The following ENTPD1 variants were observed in gnomAD, a reference collection of about 807,000 sequenced individuals.
ENTPD1 encodes the protein ATP diphosphohydrolase.
Under a neutral mutation model 57.0 loss-of-function variants are expected in ENTPD1, and 33 were observed. The ratio of observed to expected loss-of-function variants is 0.58; its 90% CI spans 0.44 to 0.77. ENTPD1 has a LOEUF of 0.77. Ranked by LOEUF, ENTPD1 falls within the 30% of genes least tolerant of loss-of-function variation. The pLI is 0.00. For missense variants in ENTPD1, 501 were observed against 603.4 expected, an observed-to-expected ratio of 0.83 and a Z score of 1.78; for synonymous variants, 202 against 218.8, an observed-to-expected ratio of 0.92 and a Z score of 0.68.
the ENTPD1 span, among the ~76,000 whole-genome samples, chr10:95,700,551 G>A: frequency 2.6e-5 from 4 of 152,122 alleles, no homozygotes; most frequent in South Asian, 2.1e-4. Context: ...ACCTGGGCAT[G>A]GTGGCACGTG....
At position 95,870,634 on chromosome 10, in the gene ENTPD1, A is replaced by T; in HGVS notation, c.*4251A>T. The T allele has an allele frequency of 2.0e-6, 2 of 985,472 alleles. No homozygotes were observed. Among genetic ancestry groups the T allele is most frequent in the Non-Finnish European group, 2.4e-6 (2 of 829,938 alleles). 61.0% of individuals were successfully genotyped at this position (985,472 alleles called of 1,614,324 possible). On this transcript the variant is annotated 3_prime_UTR_variant, in exon 10 of 10. Transcript: ENST00000371205. ...AAGTTTGCCACATAATGATAAAATT[A>T]CTATGAAAATATATTCCCTTTATTG...
chr10:95,838,908 C>A (rs1452706425), intron 2 of ENTPD1, among the ~76,000 whole-genome samples: 1 of 152,168 alleles, frequency 6.6e-6, no homozygotes, highest in Admixed American at 6.6e-5. Flanking sequence ...TTCTCCTCTG[C>A]TGACTTTCTT....
chr10:95,738,253 C>CTGTG (rs1555275515), intron 1 of ENTPD1, among the ~76,000 whole-genome samples: 1 of 152,194 alleles, frequency 6.6e-6, no homozygotes, highest in Admixed American at 6.5e-5. Context: ...CCTGGAATCT[C>CTGTG]TGTGTGTGCA....
chr10:95,830,456 C>T (rs908274090), intron 2 of ENTPD1, among the ~76,000 whole-genome samples: 17 of 152,222 alleles, frequency 1.1e-4, no homozygotes, highest in African/African-American at 2.9e-4. Context: ...GGCTGGGCCC[C>T]ATCTCAGGTC....
Position 95,795,748 on chromosome 10 carries a change from A to G in ENTPD1, c.17-27489A>G, listed in dbSNP as rs77763761. 1.6e-3 allele frequency among the ~76,000 whole-genome samples: 240 copies of G among 152,348 alleles called. 2 individuals are homozygous for G. The East Asian group carries it at 0.037, about 23-fold the overall frequency. On this transcript the variant is annotated intron_variant, in intron 1 of 9. Coordinates refer to ENST00000371205, the MANE Select transcript of ENTPD1 (RefSeq NM_001776.6). ...TGAGATCCCATTTCATAGGAGATGC[A>G]TCAGTACCTAGTCATACTGCATTTC...
intron 1 of ENTPD1, among the ~76,000 whole-genome samples, chr10:95,818,448 TAG>T (rs767841752): frequency 1.1e-4 from 16 of 152,130 alleles, no homozygotes; most frequent in Admixed American, 3.3e-4. Context: ...CTTGATAAGG[TAG>T]AGTCTTAGGA....
At position 95,875,971 on chromosome 10, in the gene ENTPD1, T is replaced by C; in HGVS notation, c.*9588T>C. The stretch of plus-strand genomic sequence containing the variant: ...GGACACAGCCAAACCATATCAATGA[T>C]TTTGTACTTTAACCAGCTGAATGGA... On this transcript the variant is annotated 3_prime_UTR_variant, in exon 10 of 10. Coordinates refer to ENST00000371205, the MANE Select transcript of ENTPD1 (RefSeq NM_001776.6). The C allele has an allele frequency of 2.0e-6, 2 of 985,416 alleles. No homozygotes were observed. The highest frequency in any genetic ancestry group is 1.2e-6 in the Non-Finnish European group (1 of 829,922). The allele number at this position is 985,416 out of a possible 1,614,324, so 61.0% of individuals were successfully genotyped here. A position where few individuals can be genotyped will look rare whatever the true frequency, so the allele number is the denominator to read the frequency against.
chr10:95,731,943 C>T lies in ENTPD1; in HGVS notation c.37+19950C>T, dbSNP rs754219539. ...GATTACAGGCACCTGCTACCACGCC[C>T]GGCTAATTTTTGTATTTTTAGTAGA... On this transcript the variant is annotated intron_variant, in intron 1 of 9. Coordinates refer to the ENTPD1 transcript ENST00000453258. Among the ~76,000 whole-genome samples, 7 of 151,550 alleles carry T rather than the reference C, an allele frequency of 4.6e-5. No individual in the cohort carries two copies. In the South Asian group the frequency reaches 6.2e-4, roughly 14 times the overall value.
intron 1 of ENTPD1, among the ~76,000 whole-genome samples, chr10:95,769,262 A>T (rs1402280277): frequency 6.6e-6 from 1 of 152,166 alleles, no homozygotes; most frequent in Non-Finnish European, 1.5e-5. Flanking sequence ...TGAATTAGGG[A>T]GTGAGCTCCT....
intron 1 of ENTPD1, among the ~76,000 whole-genome samples, chr10:95,738,857 G>T (rs1011045827): frequency 3.3e-5 from 5 of 152,132 alleles, no homozygotes; most frequent in Non-Finnish European, 5.9e-5. Context: ...GAGAGAAAAA[G>T]AATTTGCACT....
At chr10:95,711,913 T>C (rs1322557753) in exon 1 of ENTPD1, 13 of 1,610,342 alleles carry the variant, frequency 8.1e-6, no homozygotes, top group Admixed American at 3.3e-5. Flanking sequence ...GTTTTGGTGC[T>C]GTGAACAGGA....
At chr10:95,700,907 C>T in the ENTPD1 span, among the ~76,000 whole-genome samples, 221 of 152,108 alleles carry the variant, frequency 1.5e-3, 6 homozygotes, top group Admixed American at 0.014. Context: ...ATTCTCCTGC[C>T]TCAGCTTCCC....
chr10:95,738,420 A>G (rs372425822), intron 1 of ENTPD1, among the ~76,000 whole-genome samples: 17 of 152,336 alleles, frequency 1.1e-4, no homozygotes, highest in African/African-American at 4.1e-4. Context: ...CCAAAACTGA[A>G]GTGAGGGAGG....
At chr10:95,838,032 A>C (rs2098414613) in intron 2 of ENTPD1, among the ~76,000 whole-genome samples, 1 of 152,074 alleles carries the variant, frequency 6.6e-6, no homozygotes. Context: ...GCATTTTTAA[A>C]GTGGCAGACC....
intron 1 of ENTPD1, among the ~76,000 whole-genome samples, chr10:95,731,781 C>CTTTTTTT (rs34841311): frequency 0.045 from 3,525 of 79,076 alleles, 570 homozygotes; most frequent in Admixed American, 0.075. Flanking sequence ...AGTGGACATC[C>CTTTTTTT]TTTTTTTTTT....
At chr10:95,827,548 C>T (rs1016273750) in intron 2 of ENTPD1, among the ~76,000 whole-genome samples, 8 of 152,076 alleles carry the variant, frequency 5.3e-5, no homozygotes, top group Admixed American at 1.3e-4. Context: ...TGCAGTGGTG[C>T]GATCTCAGCT....
rs1555272408 is a variant in ENTPD1 at position 95,713,033 on chromosome 10, T to TTAAAAA, written c.37+1040_37+1041insTAAAAA. On this transcript the variant is annotated intron_variant, in intron 1 of 9. Coordinates refer to the ENTPD1 transcript ENST00000453258. ...TGGGCGACAGAGCGAGATTCTGTCT[T>TTAAAAA]AAAAAAAAAAAAAAAAAAATAGGCT... Among the ~76,000 whole-genome samples, 17 of 143,018 alleles carry TTAAAAA rather than the reference T, an allele frequency of 1.2e-4. 1 individual carries two copies. Among genetic ancestry groups the TTAAAAA allele is most frequent in the Non-Finnish European group, 1.5e-4 (10 of 66,150 alleles). The allele number at this position is 143,018 out of a possible 152,430, so 93.8% of individuals were successfully genotyped here.
At chr10:95,827,912 G>T (rs969760121) in intron 2 of ENTPD1, among the ~76,000 whole-genome samples, 2 of 152,060 alleles carry the variant, frequency 1.3e-5, no homozygotes, top group African/African-American at 4.8e-5. Context: ...TTGTTACCCT[G>T]GTTAAATAGC....
intron 1 of ENTPD1, among the ~76,000 whole-genome samples, chr10:95,800,801 A>G (rs994089351): frequency 3.3e-5 from 5 of 152,156 alleles, no homozygotes; most frequent in Non-Finnish European, 7.4e-5. Context: ...TTCCCTGAAA[A>G]TAGCTGTTAT....
Sources: gnomAD v4.1 joint callset for allele counts (sites outside exome capture counted in the v4.1 genomes callset) on GRCh38, gnomAD v4.1.1 for gene constraint, MANE v1.5 for transcripts, NCBI Gene and HGNC (gene_info 2026-07-23, HGNC 2026-07-21) for gene names.